Variants in RNPC3 observed in about 807,000 individuals in gnomAD.
RNPC3 encodes RNA-binding region-containing protein 3.
A neutral mutation model predicts 67.5 loss-of-function variants in RNPC3; 48 were observed. The observed-to-expected ratio is 0.71, with a 90% confidence interval of 0.56 to 0.90. The LOEUF is 0.90. RNPC3 is among the 40% of genes least tolerant of loss of function. The probability of loss-of-function intolerance (pLI) is 0.00; values close to 1 mark genes in which losing one functional copy is unlikely to be tolerated. For synonymous variants in RNPC3, 239 were observed against 210.3 expected, an observed-to-expected ratio of 1.14 and a Z score of -1.18; for missense variants, 637 against 626.1, an observed-to-expected ratio of 1.02 and a Z score of -0.19.
chr1:103,537,292 TATAA>T, intron 6 of RNPC3, 46 bp from the exon 7 acceptor site: 1 of 1,321,590 alleles, frequency 7.6e-7, no homozygotes, highest in Non-Finnish European at 1.0e-6. Context: ...GAGTTTGTTC[TATAA>T]ATATTTTGGA....
intron 12 of RNPC3, among the ~76,000 whole-genome samples, chr1:103,548,104 A>G (rs1023113284): frequency 1.3e-5 from 2 of 152,170 alleles, no homozygotes; most frequent in African/African-American, 2.4e-5. Context: ...GGCCCGGCCC[A>G]CAAAATCACT....
chr1:103,537,080 C>T (rs938968657), intron 6 of RNPC3, among the ~76,000 whole-genome samples: 2 of 152,038 alleles, frequency 1.3e-5, no homozygotes, highest in African/African-American at 4.8e-5. Flanking sequence ...GGTCTCATTT[C>T]ATTGGCTATA....
Position 103,526,011 on chromosome 1 carries a change from A to C in RNPC3, c.-60A>C. 1 of 1,340,220 alleles carries C rather than the reference A, an allele frequency of 7.5e-7. No homozygotes were observed. Among genetic ancestry groups the C allele is most frequent in the South Asian group, 1.4e-5 (1 of 71,746 alleles). 83.0% of individuals were successfully genotyped at this position (1,340,220 alleles called of 1,614,324 possible). A position where few individuals can be genotyped will look rare whatever the true frequency, so the allele number is the denominator to read the frequency against. On this transcript the variant is annotated 5_prime_UTR_variant, in exon 1 of 15. It removes an upstream start codon present in the reference 5' UTR. Coordinates refer to ENST00000423855, the MANE Select transcript of RNPC3 (RefSeq NM_017619.4). ...AAAATATTTCTCCCAGCTTGTGTTG[A>C]TGCCGCGATTTTGACTGAGACTTCT...
intron 1 of RNPC3, among the ~76,000 whole-genome samples, chr1:103,526,923 G>A (rs1363240190): frequency 6.6e-6 from 1 of 152,016 alleles, no homozygotes; most frequent in Non-Finnish European, 1.5e-5. Flanking sequence ...AGTTTCCCTA[G>A]GTGATTTTAA....
chr1:103,554,326 C>G (rs746051378), intron 14 of RNPC3: 3 of 152,152 alleles, frequency 2.0e-5, no homozygotes, highest in Non-Finnish European at 4.4e-5. Flanking sequence ...TGCATTCTAG[C>G]CTGGGTGACA....
Position 103,526,067 on chromosome 1 carries a change from GA to G in RNPC3, c.1del. 1.3e-6 allele frequency: 2 copies of G among 1,522,232 alleles called. No homozygotes were observed. Among genetic ancestry groups the G allele is most frequent in the Non-Finnish European group, 8.9e-7 (1 of 1,129,102 alleles). The allele number at this position is 1,522,232 out of a possible 1,614,324, so 94.3% of individuals were successfully genotyped here. A position where few individuals can be genotyped will look rare whatever the true frequency, so the allele number is the denominator to read the frequency against. On this transcript the variant is annotated 5_prime_UTR_variant, in exon 1 of 15. Coordinates refer to ENST00000423855, the MANE Select transcript of RNPC3 (RefSeq NM_017619.4). ...CGATTTCTGTTTTTGCTTCTCCAAG[GA>G]AAATGGCAGCTCCCGAGCAGCCGCT...
rs561403888 is a variant in RNPC3, at chr1:103,539,235, A to T, written c.767+1751A>T. 1.8e-4 allele frequency among the ~76,000 whole-genome samples: 27 copies of T among 152,354 alleles called. 1 individual carries two copies. The South Asian group carries it at 2.9e-3, about 16-fold the overall frequency. On this transcript the variant is annotated intron_variant, in intron 7 of 14. Transcript: ENST00000423855. The stretch of plus-strand genomic sequence containing the variant: ...TATATAGGAGGTGTGAGTGGTTGGC[A>T]TGAGGCAGAACCCAAGCAGACTCTG...
At chr1:103,527,093 ATG>A (rs1650737462) in intron 1 of RNPC3, among the ~76,000 whole-genome samples, 1 of 152,178 alleles carries the variant, frequency 6.6e-6, no homozygotes, top group Non-Finnish European at 1.5e-5. Flanking sequence ...CAAAATTAGA[ATG>A]TGCGATATAA....
chr1:103,542,962 A>T (rs1382042412), intron 8 of RNPC3, among the ~76,000 whole-genome samples: 1 of 151,792 alleles, frequency 6.6e-6, no homozygotes, highest in Non-Finnish European at 1.5e-5. Flanking sequence ...CAAACATAGA[A>T]TGCACTGTTT....
At chr1:103,527,617 C>T (rs954395282) in intron 1 of RNPC3, 78 bp from the exon 2 acceptor site, 20 of 1,030,080 alleles carry the variant, frequency 1.9e-5, no homozygotes, top group East Asian at 2.6e-5. Flanking sequence ...TCACATTACT[C>T]CACTGGTAAA....
intron 9 of RNPC3, among the ~76,000 whole-genome samples, chr1:103,543,853 A>G (rs557751543): frequency 1.3e-5 from 2 of 151,924 alleles, no homozygotes; most frequent in East Asian, 3.9e-4. Context: ...TAATGTAAAA[A>G]TACATATATA....
intron 8 of RNPC3, 51 bp downstream of exon 8, chr1:103,541,526 A>G (rs532216602): frequency 4.2e-6 from 6 of 1,434,106 alleles, no homozygotes; most frequent in South Asian, 1.4e-5. Context: ...TACTTTGTTT[A>G]CTTGCTTAAT....
intron 2 of RNPC3, among the ~76,000 whole-genome samples, chr1:103,529,417 G>C (rs1158723577): frequency 6.6e-6 from 1 of 152,188 alleles, no homozygotes; most frequent in East Asian, 1.9e-4. Flanking sequence ...AAAGGAAGCA[G>C]TAAGAGGTTA....
chr1:103,550,867 G>A, intron 12 of RNPC3, 74 bp from the exon 13 acceptor site: 1 of 1,461,084 alleles, frequency 6.8e-7, no homozygotes, highest in Non-Finnish European at 9.5e-7. Context: ...ATAGCAAAAT[G>A]TTAGATTATT....
At position 103,526,060 on chromosome 1, in the gene RNPC3, C is replaced by T; in HGVS notation, c.-11C>T. ...CTTCCCACGATTTCTGTTTTTGCTT[C>T]TCCAAGGAAAATGGCAGCTCCCGAG... On this transcript the variant is annotated 5_prime_UTR_variant, in exon 1 of 15. Coordinates refer to ENST00000423855, the MANE Select transcript of RNPC3 (RefSeq NM_017619.4). The T allele has an allele frequency of 6.6e-7, 1 of 1,513,308 alleles. No homozygotes were observed. The highest frequency in any genetic ancestry group is 1.2e-5 in the South Asian group (1 of 81,244). The allele number at this position is 1,513,308 out of a possible 1,614,324, so 93.7% of individuals were successfully genotyped here.
chr1:103,541,608 A>G (rs1651127010), intron 8 of RNPC3, 133 bp downstream of exon 8: 1 of 710,626 alleles, frequency 1.4e-6, no homozygotes, highest in Non-Finnish European at 2.2e-6. Flanking sequence ...CTAGTTACCA[A>G]ATTTACAAAT....
intron 2 of RNPC3, 79 bp from the exon 3 acceptor site, chr1:103,533,660 A>T (rs1402447112): frequency 9.1e-6 from 7 of 768,570 alleles, no homozygotes; most frequent in South Asian, 6.5e-5. Flanking sequence ...CAAAAAAAAA[A>T]AAAAGTATAA....
chr1:103,545,473 A>G (rs1365918553), intron 10 of RNPC3: 1 of 156,586 alleles, frequency 6.4e-6, no homozygotes, highest in Non-Finnish European at 1.4e-5. Flanking sequence ...GATTTAAAAA[A>G]AAATGGTGAT....
intron 2 of RNPC3, among the ~76,000 whole-genome samples, chr1:103,531,804 T>A (rs1650865818): frequency 6.6e-6 from 1 of 152,196 alleles, no homozygotes; most frequent in Admixed American, 6.5e-5. Flanking sequence ...TGATTGTTTC[T>A]TTTGCTGTGC....
Sources: allele counts gnomAD v4.1 joint callset (sites outside exome capture counted in the v4.1 genomes callset), GRCh38; gene constraint gnomAD v4.1.1; transcripts MANE v1.5; gene names NCBI Gene and HGNC (gene_info 2026-07-23, HGNC 2026-07-21).